Variants in ZP4 observed in about 807,000 individuals in gnomAD.
The protein encoded by ZP4 is zona pellucida glycoprotein 4.
ZP4 carries 62 observed loss-of-function variants against 62.3 expected under a neutral mutation model. The observed-to-expected ratio is 0.99, with a 90% CI of 0.81 to 1.23. The LOEUF (loss-of-function observed/expected upper bound fraction) is 1.23, where lower values mean the gene tolerates loss of function less well. ZP4 is among the 50% of genes most tolerant of loss of function. ZP4 has a pLI of 0.00. For missense variants in ZP4, 774 were observed against 656.0 expected, an observed-to-expected ratio of 1.18 and a Z score of -1.97; for synonymous variants, 289 against 247.3, an observed-to-expected ratio of 1.17 and a Z score of -1.58.
chr1:237,887,380 T>C lies in ZP4; in HGVS notation c.735A>G (p.Thr245=). ...FQFPFTSCGT[T]RQITGDRAVY... Reference sequence around the variant, plus strand: ...ACAAAGCCCAACTGCTCACCTGTCTTGTGGTGCCACAGGAAGTAAATGGAA... The same window carrying C: ...ACAAAGCCCAACTGCTCACCTGTCTCGTGGTGCCACAGGAAGTAAATGGAA... The change falls in exon 5 of 12, where the codon ACA becomes ACG. Residue 245 remains threonine, a synonymous_variant. Coordinates refer to ENST00000366570, the MANE Select transcript of ZP4 (RefSeq NM_021186.5). 1 of 1,613,848 alleles carries C rather than the reference T, an allele frequency of 6.2e-7. No individual in the cohort carries two copies. The highest frequency in any genetic ancestry group is 1.1e-5 in the South Asian group (1 of 91,058).
intron 9 of ZP4, 149 bp downstream of exon 9, chr1:237,885,016 C>G (rs1381125570): frequency 8.1e-7 from 1 of 1,232,252 alleles, no homozygotes; most frequent in East Asian, 2.4e-5. Context: ...AGATGTCACT[C>G]ATGTAATTAG....
At chr1:237,884,047 CACACAAACACACACAA>C (rs1558531270) in intron 10 of ZP4, among the ~76,000 whole-genome samples, 7 of 135,212 alleles carry the variant, frequency 5.2e-5, no homozygotes, top group African/African-American at 2.5e-4. Flanking sequence ...CACACAAACA[CACACAAACACACACAA>C]ACACACACAA....
chr1:237,890,805 A>C lies in ZP4; in HGVS notation c.-170T>G. The C allele has an allele frequency of 1.5e-6, 1 of 671,866 alleles. No individual in the cohort carries two copies. The highest frequency in any genetic ancestry group is 2.4e-6 in the Non-Finnish European group (1 of 417,426). The allele number at this position is 671,866 out of a possible 1,614,324, so 41.6% of individuals were successfully genotyped here. A position where few individuals can be genotyped will look rare whatever the true frequency, so the allele number is the denominator to read the frequency against. On this transcript the variant is annotated 5_prime_UTR_variant, in exon 1 of 12. It removes an upstream start codon present in the reference 5' UTR. Transcript: ENST00000366570. ...CAGAAAGGGGAATTCCTCTAGCCTC[A>C]TTTGCTTTGGGGCACAGTCTGCAGC... is the stretch of plus-strand genomic sequence containing the variant.
At chr1:237,884,689 G>T in intron 10 of ZP4, 80 bp downstream of exon 10, 2 of 1,337,560 alleles carry the variant, frequency 1.5e-6, no homozygotes, top group Non-Finnish European at 2.1e-6. Context: ...AGTTTGAGTT[G>T]TTTGGCCAGA....
intron 3 of ZP4, 49 bp downstream of exon 3, chr1:237,889,818 A>C: frequency 6.6e-7 from 1 of 1,506,586 alleles, no homozygotes; most frequent in African/African-American, 1.5e-5. Flanking sequence ...GTACTTTCAC[A>C]CCCCACCCCC....
At position 237,888,543 on chromosome 1, in the gene ZP4, T is replaced by C. The variant is rs750508916; in HGVS notation, c.401-33A>G. On this transcript the variant is annotated intron_variant, in intron 3 of 11. Coordinates refer to ENST00000366570, the MANE Select transcript of ZP4 (RefSeq NM_021186.5). ...TTGAAAAAGAGTAAGTCAGGTTAGA[T>C]AATGGAAAAGTTAGTCTTGAATACC... The C allele has an allele frequency of 1.2e-5, 19 of 1,562,894 alleles. No individual in the cohort carries two copies. In the South Asian group the frequency reaches 2.1e-4, roughly 17 times the overall value.
At chr1:237,885,121 G>A (rs1461022684) in intron 9 of ZP4, 44 bp downstream of exon 9, 1 of 1,595,788 alleles carries the variant, frequency 6.3e-7, no homozygotes, top group African/African-American at 1.3e-5. Flanking sequence ...GTAAGTTGGG[G>A]AGGTTCAGAG....
chr1:237,882,435 T>C lies in ZP4; in HGVS notation c.1610A>G (p.Gln537Arg), dbSNP rs778542504. 3.7e-6 allele frequency: 6 copies of C among 1,610,630 alleles called. No homozygotes were observed. Among genetic ancestry groups the C allele is most frequent in the Non-Finnish European group, 5.1e-6 (6 of 1,179,286 alleles). Residue 537 changes from glutamine to arginine, a missense_variant, in exon 12 of 12, where the codon CAA becomes CGA. Transcript: ENST00000366570. ...AVKKQKSCPD[Q>R]MCQ ...TACACTCTGGTTTTATTGACACATT[T>C]GGTCTGGGCAACTCTTCTGTTTCTT...
chr1:237,884,057 C>CAAACACACACAA (rs1553350907), intron 10 of ZP4, among the ~76,000 whole-genome samples: 2 of 137,086 alleles, frequency 1.5e-5, no homozygotes, highest in African/African-American at 6.4e-5. Context: ...CACACAAACA[C>CAAACACACACAA]ACACAAACAC....
intron 10 of ZP4, 29 bp from the exon 11 acceptor site, chr1:237,882,875 A>G: frequency 6.3e-7 from 1 of 1,598,010 alleles, no homozygotes; most frequent in Non-Finnish European, 8.6e-7. Flanking sequence ...CTAGTAATTC[A>G]TTAGTTTTTG....
rs761147498 is a variant in ZP4 at position 237,888,353 on chromosome 1, C to T, written c.553+5G>A. 1.3e-5 allele frequency: 21 copies of T among 1,571,730 alleles called. No individual in the cohort carries two copies. Among genetic ancestry groups the T allele is most frequent in the Non-Finnish European group, 1.7e-5 (19 of 1,150,342 alleles). ...CTGGTTTCAGAGGTGTGCTCACTTACTCACCAGTGTTTCCATAGTAGCAGG... is the reference window on the plus strand; with the variant it reads ...CTGGTTTCAGAGGTGTGCTCACTTATTCACCAGTGTTTCCATAGTAGCAGG... On this transcript the variant is annotated splice_donor_5th_base_variant and intron_variant, in intron 4 of 11. Transcript: ENST00000366570.
chr1:237,886,275 C>T (rs1388591118), intron 6 of ZP4, among the ~76,000 whole-genome samples: 4 of 152,078 alleles, frequency 2.6e-5, no homozygotes, highest in African/African-American at 9.7e-5. Flanking sequence ...CATAGAAGAA[C>T]CAGGCTGCAA....
rs186618181 is a variant in ZP4 at position 237,890,752 on chromosome 1, T to A, written c.-117A>T. 2 of 1,187,016 alleles carry A rather than the reference T, an allele frequency of 1.7e-6. No homozygotes were observed. Among genetic ancestry groups the A allele is most frequent in the Non-Finnish European group, 2.3e-6 (2 of 859,790 alleles). 73.5% of individuals were successfully genotyped at this position (1,187,016 alleles called of 1,614,324 possible). The stretch of plus-strand genomic sequence containing the variant: ...AGTCAGGCTTGTTTTCAGCTGCACA[T>A]CTTTGTGACACTCAGGTGGGATGCC... On this transcript the variant is annotated 5_prime_UTR_variant, in exon 1 of 12. It removes an upstream start codon present in the reference 5' UTR. Transcript: ENST00000366570.
At position 237,882,523 on chromosome 1, in the gene ZP4, A is replaced by G. The variant is rs756486877; in HGVS notation, c.1522T>C (p.Trp508Arg). The G allele has an allele frequency of 1.2e-6, 2 of 1,606,104 alleles. No individual in the cohort carries two copies. Among genetic ancestry groups the G allele is most frequent in the Admixed American group, 3.5e-5 (2 of 56,846 alleles). The change falls in exon 12 of 12, where the codon TGG (tryptophan) becomes CGG (arginine). Residue 508 changes from tryptophan to arginine, a missense_variant. By Grantham distance (101) the Trp-to-Arg change is moderately radical (BLOSUM62 -3). Coordinates refer to ENST00000366570, the MANE Select transcript of ZP4 (RefSeq NM_021186.5). ...LRVPVDSKVL[W>R]VAGLSGTLIL... ...AAGGTCCCAGAAAGGCCTGCCACCC[A>G]CAGAACTTTCGAGTCTACAGGAACA...
Position 237,887,554 on chromosome 1 carries a change from C to A in ZP4, c.561G>T (p.Leu187Phe). ...AGAAATGGCCCTCTCGGGTACAATG[C>A]AAGGTCACTGAAACAGAGCAGCTGT... is the stretch of plus-strand genomic sequence containing the variant. ...NSCYYGNTVT[L>F]HCTREGHFSI... The change falls in exon 5 of 12, where the codon TTG becomes TTT. Residue 187 changes from leucine (L) to phenylalanine (F), a missense_variant. Transcript: ENST00000366570. 6.2e-7 allele frequency: 1 copy of A among 1,613,590 alleles called. No homozygotes were observed. The highest frequency in any genetic ancestry group is 8.5e-7 in the Non-Finnish European group (1 of 1,179,720).
intron 6 of ZP4, among the ~76,000 whole-genome samples, chr1:237,886,348 A>G (rs950359034): frequency 6.6e-6 from 1 of 151,800 alleles, no homozygotes; most frequent in Non-Finnish European, 1.5e-5. Flanking sequence ...ATGAAGTAGG[A>G]GCTGTTTTAT....
intron 10 of ZP4, among the ~76,000 whole-genome samples, chr1:237,883,488 G>T (rs1375452842): frequency 6.6e-6 from 1 of 151,422 alleles, no homozygotes; most frequent in Non-Finnish European, 1.5e-5. Context: ...GCCAAGGCAG[G>T]TGGATCACCT....
At chr1:237,884,043 A>ACACACACACACAC in intron 10 of ZP4, among the ~76,000 whole-genome samples, 1 of 104,886 alleles carries the variant, frequency 9.5e-6, no homozygotes, top group African/African-American at 5.5e-5. Context: ...AACACACACA[A>ACACACACACACAC]ACACACACAA....
At position 237,888,151 on chromosome 1, in the gene ZP4, C is replaced by T. The variant is rs564536085; in HGVS notation, c.553+207G>A. Among the ~76,000 whole-genome samples the T allele has an allele frequency of 1.5e-4, 23 of 152,306 alleles. No homozygotes were observed. The South Asian group carries it at 4.2e-3, about 27-fold the overall frequency. On this transcript the variant is annotated intron_variant, in intron 4 of 11. Coordinates refer to ENST00000366570, the MANE Select transcript of ZP4 (RefSeq NM_021186.5). ...CTGGCACATAGCCTTCAAGTCTGAG[C>T]GTTATTGACTTTATATCTGGATTCT... is the stretch of plus-strand genomic sequence containing the variant.
Sources: allele counts gnomAD v4.1 joint callset (sites outside exome capture counted in the v4.1 genomes callset), GRCh38; gene constraint gnomAD v4.1.1; transcripts MANE v1.5; gene names NCBI Gene and HGNC (gene_info 2026-07-23, HGNC 2026-07-21).